Variants in CXADR observed in about 807,000 individuals in gnomAD.
The protein encoded by CXADR is coxsackievirus and adenovirus receptor.
CXADR carries 20 observed loss-of-function variants against 40.3 expected under a neutral mutation model. That is an observed-to-expected ratio of 0.50 (90% CI 0.35 to 0.72). The LOEUF (loss-of-function observed/expected upper bound fraction) is 0.72, where lower values mean the gene tolerates loss of function less well. CXADR is among the 30% of genes least tolerant of loss of function. The pLI, the probability that CXADR is intolerant of heterozygous loss-of-function variation, is 0.01. For missense variants in CXADR, 332 were observed against 449.1 expected, an observed-to-expected ratio of 0.74 and a Z score of 2.36; for synonymous variants, 150 against 161.3, an observed-to-expected ratio of 0.93 and a Z score of 0.53.
intron 6 of CXADR, among the ~76,000 whole-genome samples, chr21:17,563,810 G>A (rs1189276425): frequency 2.7e-5 from 4 of 150,750 alleles, no homozygotes; most frequent in South Asian, 2.1e-4. Context: ...GTGCAGTGGC[G>A]GGCGCCTGTA....
In CXADR at chr21:17,547,187, T is replaced by A. The variant is rs1167629765; in HGVS notation, c.204T>A (p.Asp68Glu). 1 of 1,614,100 alleles carries A rather than the reference T, an allele frequency of 6.2e-7. No homozygotes were observed. Among genetic ancestry groups the A allele is most frequent in the Admixed American group, 1.7e-5 (1 of 60,012 alleles). The change falls in exon 2 of 7, where the codon GAT (aspartate) becomes GAA (glutamate). Residue 68 changes from aspartate (D) to glutamate (E), a missense_variant. By Grantham distance (45) the Asp-to-Glu change is conservative (BLOSUM62 2). Around this residue, in one of 3 missense-constraint regions of CXADR, gnomAD observed 162 missense variants for 198.5 expected, o/e 0.82. Coordinates refer to ENST00000284878, the MANE Select transcript of CXADR (RefSeq NM_001338.5). Reference sequence around the variant, plus strand: ...CACCAGCTGATAATCAGAAGGTGGATCAAGTGGTAAGTTTGATATGTCCTT... The same window carrying A: ...CACCAGCTGATAATCAGAAGGTGGAACAAGTGGTAAGTTTGATATGTCCTT... ...LISPADNQKV[D>E]QVIILYSGDK...
At chr21:17,601,152 G>A in the CXADR span, among the ~76,000 whole-genome samples, 2 of 149,796 alleles carry the variant, frequency 1.3e-5, no homozygotes, top group Non-Finnish European at 3.0e-5. Context: ...GACAGAGTGA[G>A]ACTCCGTCTC....
chr21:17,588,121 G>A (rs927018527), intron 7 of CXADR, among the ~76,000 whole-genome samples: 1 of 152,196 alleles, frequency 6.6e-6, no homozygotes, highest in African/African-American at 2.4e-5. Context: ...ATACCATGCT[G>A]TTTTGGTTAC....
At chr21:17,594,347 A>C (rs753128595), downstream of CXADR, 4 of 1,608,052 alleles carry the variant, frequency 2.5e-6, no homozygotes, top group African/African-American at 2.7e-5. Flanking sequence ...AGGGAAGAGA[A>C]CACATTAAGT....
rs1485982287 is a variant in CXADR at position 17,569,704 on chromosome 21, T to C, written c.*4012T>C. The C allele has an allele frequency of 1.0e-6, 1 of 965,198 alleles. No homozygotes were observed. The highest frequency in any genetic ancestry group is 1.2e-6 in the Non-Finnish European group (1 of 811,746). 59.8% of individuals were successfully genotyped at this position (965,198 alleles called of 1,614,324 possible). On this transcript the variant is annotated 3_prime_UTR_variant, in exon 7 of 7. Transcript: ENST00000284878. ...TTATGGTTAACTTTTATAATTTATC[T>C]TATTTTATAATTTAAGAATATAGTA...
chr21:17,567,952 A>G lies in CXADR; in HGVS notation c.*2260A>G. On this transcript the variant is annotated 3_prime_UTR_variant, in exon 7 of 7. Coordinates refer to ENST00000284878, the MANE Select transcript of CXADR (RefSeq NM_001338.5). The stretch of plus-strand genomic sequence containing the variant: ...ACATTGTTTTAAAGGCTTATGTCTC[A>G]CTGTAAAATTCTGTCAGCCAAATAG... The G allele has an allele frequency of 2.0e-6, 2 of 984,226 alleles. No homozygotes were observed. The highest frequency in any genetic ancestry group is 2.4e-6 in the Non-Finnish European group (2 of 829,160). The allele number at this position is 984,226 out of a possible 1,614,324, so 61.0% of individuals were successfully genotyped here.
rs2061234680 is a variant in CXADR at position 17,568,086 on chromosome 21, A to G, written c.*2394A>G. On this transcript the variant is annotated 3_prime_UTR_variant, in exon 7 of 7. Transcript: ENST00000284878. ...TCAAGTAGTTGAACAAAAAATTACTAAAGCATTTCCGTTAGATCAGTCAAG... is the reference window on the plus strand; with the variant it reads ...TCAAGTAGTTGAACAAAAAATTACTGAAGCATTTCCGTTAGATCAGTCAAG... The G allele has an allele frequency of 4.1e-6, 4 of 984,742 alleles. No homozygotes were observed. Among genetic ancestry groups the G allele is most frequent in the Non-Finnish European group, 4.8e-6 (4 of 829,742 alleles). 61.0% of individuals were successfully genotyped at this position (984,742 alleles called of 1,614,324 possible). A position where few individuals can be genotyped will look rare whatever the true frequency, so the allele number is the denominator to read the frequency against.
At chr21:17,524,117 C>T (rs984232622) in intron 1 of CXADR, among the ~76,000 whole-genome samples, 10 of 149,494 alleles carry the variant, frequency 6.7e-5, no homozygotes, top group African/African-American at 2.5e-4. Flanking sequence ...TGGTCTTGAA[C>T]TTCTGACCTC....
chr21:17,614,749 GA>G, the CXADR span, among the ~76,000 whole-genome samples: 2 of 151,118 alleles, frequency 1.3e-5, no homozygotes, highest in Admixed American at 6.6e-5. Flanking sequence ...TCTAAAAAAA[GA>G]AAAAAAAATT....
the CXADR span, among the ~76,000 whole-genome samples, chr21:17,629,106 G>A: frequency 6.6e-6 from 1 of 152,140 alleles, no homozygotes; most frequent in Non-Finnish European, 1.5e-5. Context: ...CTGGGGGTAA[G>A]AGACAAGGAG....
At chr21:17,546,973 G>T in intron 1 of CXADR, 54 bp from the exon 2 acceptor site, 1 of 1,595,760 alleles carries the variant, frequency 6.3e-7, no homozygotes, top group Non-Finnish European at 8.5e-7. Context: ...GGGGCACTGT[G>T]TGGGCTGTCA....
In CXADR at chr21:17,535,658, T is replaced by C. The variant is rs78644197; in HGVS notation, c.44-11369T>C. On this transcript the variant is annotated intron_variant, in intron 1 of 6. Coordinates refer to ENST00000284878, the MANE Select transcript of CXADR (RefSeq NM_001338.5). ...TTCATAACATTTGGTATTAAGGTCA[T>C]ATCCCCTTTCCAAGCAACCGAACAA... 6.7e-3 allele frequency among the ~76,000 whole-genome samples: 1,025 copies of C among 152,286 alleles called. 12 individuals are homozygous for C. Among genetic ancestry groups the C allele is most frequent in the African/African-American group, 0.024 (982 of 41,552 alleles).
At chr21:17,596,183 G>C (rs1012083226), downstream of CXADR, among the ~76,000 whole-genome samples, 8 of 151,804 alleles carry the variant, frequency 5.3e-5, no homozygotes, top group African/African-American at 1.9e-4. Context: ...GTATATTCTG[G>C]AAATAAGTCC....
At chr21:17,584,278 G>A (rs1331057632) in intron 7 of CXADR, among the ~76,000 whole-genome samples, 1 of 152,182 alleles carries the variant, frequency 6.6e-6, no homozygotes, top group Admixed American at 6.5e-5. Flanking sequence ...CGTTTGGCTG[G>A]TATGAAGCCA....
chr21:17,530,360 T>C (rs1004437512), intron 1 of CXADR: 2 of 449,348 alleles, frequency 4.5e-6, no homozygotes, highest in African/African-American at 4.0e-5. Flanking sequence ...GTGTTTTTTG[T>C]CTTATTTTAC....
the CXADR span, among the ~76,000 whole-genome samples, chr21:17,630,980 G>A: frequency 7.2e-5 from 11 of 152,190 alleles, no homozygotes; most frequent in Non-Finnish European, 1.3e-4. Flanking sequence ...GAGAGATGAC[G>A]CAGAGAGAGA....
In CXADR at chr21:17,547,260, T is replaced by A; in HGVS notation, c.210+67T>A. On this transcript the variant is annotated intron_variant, in intron 2 of 6. Transcript: ENST00000284878. ...CAACTATCTGATGTGTCCATCACCT[T>A]GCCAGTCACATGGATGGGCTGCAGG... 5 of 1,595,618 alleles carry A rather than the reference T, an allele frequency of 3.1e-6. No individual in the cohort carries two copies. In the South Asian group the frequency reaches 5.6e-5, roughly 18 times the overall value.
At chr21:17,615,027 G>A in the CXADR span, among the ~76,000 whole-genome samples, 3 of 152,132 alleles carry the variant, frequency 2.0e-5, no homozygotes, top group Non-Finnish European at 4.4e-5. Flanking sequence ...AAATGTTTGT[G>A]TCCCTCGCAA....
At chr21:17,570,139 C>G, downstream of CXADR, 1 of 985,340 alleles carries the variant, frequency 1.0e-6, no homozygotes, top group African/African-American at 1.7e-5. Context: ...GCCTTTTATA[C>G]AGTGTCCACT....
Sources: allele counts gnomAD v4.1 joint callset (sites outside exome capture counted in the v4.1 genomes callset), GRCh38; gene constraint gnomAD v4.1.1; regional missense constraint gnomAD v4.1.1; transcripts MANE v1.5; gene names NCBI Gene and HGNC (gene_info 2026-07-23, HGNC 2026-07-21).